The following ZFAND4 variants were observed in gnomAD, a reference collection of about 807,000 sequenced individuals.
ZFAND4 encodes AN1-type zinc finger protein 4.
Under a neutral mutation model 64.4 loss-of-function variants are expected in ZFAND4, and 43 were observed. The ratio of observed to expected loss-of-function variants is 0.67; its 90% CI spans 0.52 to 0.86. The LOEUF is 0.86. ZFAND4 is among the 40% of genes least tolerant of loss of function. ZFAND4 has a pLI of 0.00. For synonymous variants in ZFAND4, 296 were observed against 305.7 expected (o/e 0.97, Z 0.33); for missense variants, 929 against 859.8 (o/e 1.08, Z -1.01).
chr10:45,625,288 C>A (rs1165875783), intron 7 of ZFAND4, among the ~76,000 whole-genome samples: 1 of 149,062 alleles, frequency 6.7e-6, no homozygotes, highest in Admixed American at 6.8e-5. Context: ...CTGGCTAACA[C>A]GGTGAAACCC....
In ZFAND4 at chr10:45,654,707, T is replaced by C. The variant is rs1467326276; in HGVS notation, c.185-1648A>G. 2.0e-5 allele frequency among the ~76,000 whole-genome samples: 3 copies of C among 151,888 alleles called. No homozygotes were observed. The East Asian group carries it at 5.8e-4, about 29-fold the overall frequency. On this transcript the variant is annotated intron_variant, in intron 2 of 9. Transcript: ENST00000344646. ...ATCAAAAGCAAGCAGGAGTAGCTAT[T>C]CTTATATCAGAGAAAACAGAGTTTA...
chr10:45,619,845 C>T (rs766124912), intron 8 of ZFAND4, among the ~76,000 whole-genome samples: 1 of 152,178 alleles, frequency 6.6e-6, no homozygotes, highest in East Asian at 1.9e-4. Flanking sequence ...CCTAATGGTG[C>T]CTGGGTACCA....
intron 6 of ZFAND4, among the ~76,000 whole-genome samples, chr10:45,631,548 A>G (rs2046225494): frequency 6.6e-6 from 1 of 152,148 alleles, no homozygotes; most frequent in African/African-American, 2.4e-5. Flanking sequence ...TCCAGACAAA[A>G]AAACCAAATC....
At chr10:45,654,273 C>T (rs2047951371) in intron 2 of ZFAND4, among the ~76,000 whole-genome samples, 1 of 152,092 alleles carries the variant, frequency 6.6e-6, no homozygotes, top group South Asian at 2.1e-4. Context: ...ACACAATTTA[C>T]CCACGTAACA....
rs764694311 is a variant in ZFAND4 at position 45,652,038 on chromosome 10, GGATA to G, written c.261-9_261-6del. The G allele has an allele frequency of 3.0e-5, 48 of 1,613,258 alleles. No homozygotes were observed. Among genetic ancestry groups the G allele is most frequent in the Admixed American group, 6.7e-5 (4 of 59,970 alleles). On this transcript the variant is annotated splice_polypyrimidine_tract_variant and splice_region_variant and intron_variant, in intron 3 of 9. Coordinates refer to ENST00000344646, the MANE Select transcript of ZFAND4 (RefSeq NM_174890.4). ...AAGGTACACCCTTCTGAAATGCTGTGGATAGTTAACACAAAAATAAATCATAATC... is the reference window on the plus strand; with the variant it reads ...AAGGTACACCCTTCTGAAATGCTGTGGTTAACACAAAAATAAATCATAATC...
intron 5 of ZFAND4, among the ~76,000 whole-genome samples, chr10:45,642,612 A>G (rs2047088553): frequency 6.6e-6 from 1 of 151,200 alleles, no homozygotes; most frequent in African/African-American, 2.4e-5. Context: ...CATCTCAAAA[A>G]AAAAAAAAAA....
At chr10:45,662,766 T>A (rs1021961086) in intron 2 of ZFAND4, 8 of 673,936 alleles carry the variant, frequency 1.2e-5, no homozygotes, top group Non-Finnish European at 1.5e-5. Flanking sequence ...CATCCTTCTA[T>A]AATTCTGAAC....
intron 5 of ZFAND4, among the ~76,000 whole-genome samples, chr10:45,646,191 T>C (rs2047368088): frequency 6.6e-6 from 1 of 152,214 alleles, no homozygotes; most frequent in African/African-American, 2.4e-5. Flanking sequence ...TTGTTAGTCT[T>C]ATATTTTGAA....
chr10:45,643,107 A>T (rs2047138062), intron 5 of ZFAND4, among the ~76,000 whole-genome samples: 3 of 150,242 alleles, frequency 2.0e-5, no homozygotes, highest in Admixed American at 2.0e-4. Context: ...TTTAGTAGAG[A>T]TGCGGTTTCT....
Position 45,626,104 on chromosome 10 carries a change from C to T in ZFAND4, c.1719G>A (p.Leu573=). 6.2e-7 allele frequency: 1 copy of T among 1,614,108 alleles called. No homozygotes were observed. Among genetic ancestry groups the T allele is most frequent in the Non-Finnish European group, 8.5e-7 (1 of 1,180,040 alleles). The change falls in exon 7 of 10, where the codon CTG becomes CTA. Residue 573 remains leucine, a synonymous_variant. Transcript: ENST00000344646. ...CVNNISFLAS[L]AGSTSRNRLQ... ...ATCTATTTCTGCTTGTGCTCCCGGC[C>T]AGTGAGGCAAGAAAACTGATATTAT...
At chr10:45,627,654 G>C (rs763742632) in intron 6 of ZFAND4, among the ~76,000 whole-genome samples, 22 of 152,128 alleles carry the variant, frequency 1.4e-4, no homozygotes, top group Non-Finnish European at 3.2e-4. Flanking sequence ...AACTATTTAC[G>C]CAATAATACA....
intron 4 of ZFAND4, chr10:45,650,139 C>T (rs1438856973): frequency 6.6e-6 from 1 of 152,064 alleles, no homozygotes; most frequent in East Asian, 1.9e-4. Flanking sequence ...CAGAGTCTCA[C>T]TCTGTCACCC....
rs565337384 is a variant in ZFAND4 at position 45,616,353 on chromosome 10, G to T, written c.*83C>A. ...GTTATTTGGCAAATCTTTTAGAGTC[G>T]AACAAAAATAATAGTCTAAACAACA... On this transcript the variant is annotated 3_prime_UTR_variant, in exon 10 of 10. Transcript: ENST00000344646. 9.8e-6 allele frequency: 15 copies of T among 1,527,724 alleles called. No individual in the cohort carries two copies. The highest frequency in any genetic ancestry group is 1.2e-5 in the Non-Finnish European group (14 of 1,134,164). 94.6% of individuals were successfully genotyped at this position (1,527,724 alleles called of 1,614,324 possible). A position where few individuals can be genotyped will look rare whatever the true frequency, so the allele number is the denominator to read the frequency against.
At chr10:45,633,304 G>A (rs1197971305) in intron 6 of ZFAND4, among the ~76,000 whole-genome samples, 2 of 151,546 alleles carry the variant, frequency 1.3e-5, no homozygotes, top group East Asian at 3.9e-4. Context: ...GTCTTCTGAG[G>A]TATATATTCA....
At chr10:45,628,665 T>C (rs1203191153) in intron 6 of ZFAND4, among the ~76,000 whole-genome samples, 1 of 152,154 alleles carries the variant, frequency 6.6e-6, no homozygotes, top group Middle Eastern at 3.2e-3. Flanking sequence ...ATATGACTTC[T>C]GGGCTGTTGA....
intron 9 of ZFAND4, chr10:45,617,884 C>T (rs754667040): frequency 3.7e-5 from 7 of 191,312 alleles, no homozygotes; most frequent in East Asian, 1.3e-4. Flanking sequence ...CATCATAAGA[C>T]GAAAAAGGTA....
chr10:45,634,514 A>C (rs1589298196), intron 6 of ZFAND4, among the ~76,000 whole-genome samples: 1 of 151,586 alleles, frequency 6.6e-6, no homozygotes, highest in Admixed American at 6.6e-5. Flanking sequence ...GGGCAACAGC[A>C]AGACTCCATC....
At chr10:45,618,118 C>T (rs772220786) in intron 9 of ZFAND4, 22 bp downstream of exon 9, 10 of 1,599,844 alleles carry the variant, frequency 6.3e-6, no homozygotes, top group South Asian at 1.1e-5. Flanking sequence ...AGCATCTGAG[C>T]TTCTCCAGCT....
At chr10:45,650,403 T>C (rs1471682763) in intron 4 of ZFAND4, 1 of 152,082 alleles carries the variant, frequency 6.6e-6, no homozygotes, top group Non-Finnish European at 1.5e-5. Flanking sequence ...TCCCAGCTAC[T>C]CGGGAGGCTG....
Sources: gnomAD v4.1 joint callset for allele counts (sites outside exome capture counted in the v4.1 genomes callset) on GRCh38, gnomAD v4.1.1 for gene constraint, MANE v1.5 for transcripts, NCBI Gene and HGNC (gene_info 2026-07-23, HGNC 2026-07-21) for gene names.